CIMIP7: variants seen among roughly 807,000 people sequenced by gnomAD.
CIMIP7 encodes the protein uncharacterized protein C3orf84.
At chr3:49,184,770 A>G in the CIMIP7 span, among the ~76,000 whole-genome samples, 9 of 151,542 alleles carry the variant, frequency 5.9e-5, no homozygotes, top group African/African-American at 2.2e-4. Context: ...CTATGATTAC[A>G]GGCGTGAGCC....
chr3:49,186,493 T>C, the CIMIP7 span, among the ~76,000 whole-genome samples: 1 of 151,390 alleles, frequency 6.6e-6, no homozygotes, highest in Non-Finnish European at 1.5e-5. Context: ...AACCTCCGCC[T>C]CCCGGGTTCA....
At chr3:49,183,943 A>G in the CIMIP7 span, among the ~76,000 whole-genome samples, 2 of 152,258 alleles carry the variant, frequency 1.3e-5, no homozygotes, top group African/African-American at 4.8e-5. Flanking sequence ...ATGAATCTCT[A>G]GGAAATTATG....
the CIMIP7 span, among the ~76,000 whole-genome samples, chr3:49,180,572 C>CAT: frequency 2.0e-5 from 3 of 152,158 alleles, no homozygotes; most frequent in Non-Finnish European, 4.4e-5. Context: ...AGATAAAATA[C>CAT]AGGGGCTGGC....
At chr3:49,182,392 A>G in the CIMIP7 span, among the ~76,000 whole-genome samples, 1 of 152,220 alleles carries the variant, frequency 6.6e-6, no homozygotes, top group Non-Finnish European at 1.5e-5. Context: ...GAGTGTGGAC[A>G]CAAAGGTTCT....
the CIMIP7 span, among the ~76,000 whole-genome samples, chr3:49,181,124 T>C: frequency 6.6e-6 from 1 of 151,424 alleles, no homozygotes; most frequent in South Asian, 2.1e-4. Context: ...GATAGATCAC[T>C]TGAAGCCAGG....
chr3:49,188,673 C>G, the CIMIP7 span, among the ~76,000 whole-genome samples: 1 of 152,270 alleles, frequency 6.6e-6, no homozygotes, highest in South Asian at 2.1e-4. Flanking sequence ...TTGGTTGTTA[C>G]CAGCCTGTGG....
the CIMIP7 span, among the ~76,000 whole-genome samples, chr3:49,184,412 C>T: frequency 1.3e-5 from 2 of 152,204 alleles, no homozygotes; most frequent in African/African-American, 4.8e-5. Context: ...ACCTCCACCT[C>T]CCAGGTTCAA....
the CIMIP7 span, among the ~76,000 whole-genome samples, chr3:49,182,192 G>C: frequency 2.0e-5 from 3 of 152,242 alleles, no homozygotes; most frequent in African/African-American, 4.8e-5. Context: ...CCACAGCGTG[G>C]AAGGGGACCA....
chr3:49,190,204 G>C, the CIMIP7 span: 34 of 1,172,322 alleles, frequency 2.9e-5, no homozygotes, highest in Admixed American at 4.1e-5. Context: ...AGACCTCAGG[G>C]CCCCAACTGA....
chr3:49,185,964 C>T, the CIMIP7 span, among the ~76,000 whole-genome samples: 4 of 149,380 alleles, frequency 2.7e-5, no homozygotes, highest in Non-Finnish European at 4.4e-5. Context: ...GGATTATGGG[C>T]GTGAGTCACC....
At chr3:49,179,866 G>A in the CIMIP7 span, among the ~76,000 whole-genome samples, 14 of 152,326 alleles carry the variant, frequency 9.2e-5, no homozygotes, top group African/African-American at 2.4e-4. Flanking sequence ...GGCTGGGCAC[G>A]GTGGCTCACA....
the CIMIP7 span, among the ~76,000 whole-genome samples, chr3:49,179,472 T>C: frequency 6.6e-6 from 1 of 152,220 alleles, no homozygotes; most frequent in African/African-American, 2.4e-5. Flanking sequence ...TAGTGGTCTG[T>C]GAGACCCACA....
the CIMIP7 span, among the ~76,000 whole-genome samples, chr3:49,191,356 G>T: frequency 5.9e-5 from 9 of 152,156 alleles, no homozygotes; most frequent in African/African-American, 2.2e-4. Flanking sequence ...GACCTTTATT[G>T]TCTTCCAGGC....
chr3:49,190,080 T>A, the CIMIP7 span: 1 of 1,612,474 alleles, frequency 6.2e-7, no homozygotes, highest in East Asian at 2.2e-5. Context: ...AAGGTGGTAT[T>A]CTCTAGCACT....
At chr3:49,189,080 C>T in the CIMIP7 span, among the ~76,000 whole-genome samples, 1 of 152,042 alleles carries the variant, frequency 6.6e-6, no homozygotes, top group Non-Finnish European at 1.5e-5. Flanking sequence ...AGCCATTCTC[C>T]TGCCTTAGCC....
the CIMIP7 span, among the ~76,000 whole-genome samples, chr3:49,189,284 T>C: frequency 6.6e-3 from 996 of 151,748 alleles, 9 homozygotes; most frequent in African/African-American, 0.021. Flanking sequence ...TTTTTTTTTG[T>C]ATTTTTAGTA....
At chr3:49,191,768 G>A in the CIMIP7 span, 1 of 1,567,826 alleles carries the variant, frequency 6.4e-7, no homozygotes, top group Admixed American at 1.8e-5. Context: ...AAAGCACTTT[G>A]CATCTTTCCA....
At chr3:49,190,895 C>T in the CIMIP7 span, among the ~76,000 whole-genome samples, 1 of 152,040 alleles carries the variant, frequency 6.6e-6, no homozygotes, top group Non-Finnish European at 1.5e-5. Flanking sequence ...TCTCGAACTC[C>T]TGACCTCGTG....
the CIMIP7 span, among the ~76,000 whole-genome samples, chr3:49,182,143 G>A: frequency 6.6e-6 from 1 of 152,218 alleles, no homozygotes; most frequent in Admixed American, 6.5e-5. Flanking sequence ...AGAGTGAGCA[G>A]CAGCAAGATT....
Sources: allele counts gnomAD v4.1 joint callset (sites outside exome capture counted in the v4.1 genomes callset), GRCh38; gene constraint gnomAD v4.1.1; transcripts MANE v1.5; gene names NCBI Gene and HGNC (gene_info 2026-07-23, HGNC 2026-07-21).